The following PTPN21 variants were observed in gnomAD, a reference collection of about 807,000 sequenced individuals.
PTPN21 encodes tyrosine-protein phosphatase non-receptor type 21.
PTPN21 carries 77 observed loss-of-function variants against 131.8 expected under a neutral mutation model. The ratio of observed to expected loss-of-function variants is 0.58; its 90% confidence interval spans 0.49 to 0.71. The LOEUF is 0.71. PTPN21 is among the 30% of genes least tolerant of loss of function. The pLI, the probability that PTPN21 is intolerant of heterozygous loss-of-function variation, is 0.00. For synonymous variants in PTPN21, 715 were observed against 621.3 expected (o/e 1.15, Z -2.24); for missense variants, 1,552 against 1,527.1 (o/e 1.02, Z -0.27).
chr14:88,554,549 TTCCGGGGCCGCGGGCGCGC>T (rs1395535943), intron 1 of PTPN21, 83 bp downstream of exon 1: 1 of 151,630 alleles, frequency 6.6e-6, no homozygotes, highest in East Asian at 1.9e-4. Context: ...TTCTCCGGGA[TTCCGGGGCCGCGGGCGCGC>T]TCCGGGGTCC....
At position 88,480,032 on chromosome 14, in the gene PTPN21, G is replaced by T; in HGVS notation, c.1399C>A (p.Arg467=). 6.2e-7 allele frequency: 1 copy of T among 1,613,852 alleles called. No homozygotes were observed. The highest frequency in any genetic ancestry group is 1.1e-5 in the South Asian group (1 of 91,086). Residue 467 remains arginine (R), a synonymous_variant, in exon 13 of 19, where the codon CGG becomes AGG. Coordinates refer to ENST00000556564, the MANE Select transcript of PTPN21 (RefSeq NM_007039.4). The stretch of plus-strand genomic sequence containing the variant: ...AGGTTTCGCAGCGAGTGGCTCTGCC[G>T]TTCCGCATGCACCAGGCCCCTGTTG... ...QLNRGLVHAE[R]QSHSLRNLNI... is the part of the protein sequence containing the mutation.
intron 12 of PTPN21, among the ~76,000 whole-genome samples, chr14:88,482,592 A>G (rs752262738): frequency 3.3e-5 from 5 of 151,894 alleles, no homozygotes; most frequent in Non-Finnish European, 5.9e-5. Context: ...TAGCCTGGAC[A>G]ACAAAAGCGA....
At chr14:88,491,852 C>T (rs1354144232) in intron 10 of PTPN21, among the ~76,000 whole-genome samples, 1 of 152,082 alleles carries the variant, frequency 6.6e-6, no homozygotes, top group Admixed American at 6.5e-5. Context: ...TTCAGGTGTT[C>T]CTTATTTAGG....
chr14:88,474,909 T>C (rs977166083), intron 13 of PTPN21, among the ~76,000 whole-genome samples: 2 of 152,120 alleles, frequency 1.3e-5, no homozygotes, highest in African/African-American at 4.8e-5. Context: ...CTGGCCAATA[T>C]GGTGAAACCC....
In PTPN21 at chr14:88,550,469, C is replaced by T. The variant is rs375350727; in HGVS notation, c.-52G>A. 36 of 1,536,166 alleles carry T rather than the reference C, an allele frequency of 2.3e-5. No individual in the cohort carries two copies. The African/African-American group carries it at 4.8e-4, about 20-fold the overall frequency. On this transcript the variant is annotated 5_prime_UTR_variant, in exon 2 of 19. Coordinates refer to ENST00000556564, the MANE Select transcript of PTPN21 (RefSeq NM_007039.4). ...GCAAAGAGGGAAAAGCTACCCCCAC[C>T]AACCCAGCGCTGGTGACGCCAGGAG...
At chr14:88,501,032 G>T in intron 7 of PTPN21, 161 bp from the exon 8 acceptor site, 1 of 643,972 alleles carries the variant, frequency 1.6e-6, no homozygotes, top group Non-Finnish European at 2.7e-6. Context: ...GATCTTATAG[G>T]TAAGTATAAA....
intron 3 of PTPN21, among the ~76,000 whole-genome samples, chr14:88,510,189 TA>T (rs34967756): frequency 0.35 from 52,927 of 152,064 alleles, 9,817 homozygotes; most frequent in African/African-American, 0.48. Flanking sequence ...ATGTCTTATA[TA>T]AAAAATCACA....
intron 10 of PTPN21, chr14:88,492,925 G>A: frequency 2.8e-6 from 1 of 357,312 alleles, no homozygotes; most frequent in Non-Finnish European, 5.5e-6. Flanking sequence ...CCCTCATGGA[G>A]CTTCATCAAA....
chr14:88,477,865 A>C (rs1462623610), intron 13 of PTPN21, among the ~76,000 whole-genome samples: 2 of 152,226 alleles, frequency 1.3e-5, no homozygotes, highest in African/African-American at 4.8e-5. Flanking sequence ...GCTTAGTCCC[A>C]GGTTAAGGAC....
At chr14:88,542,572 G>C (rs915646413) in intron 2 of PTPN21, among the ~76,000 whole-genome samples, 2 of 152,154 alleles carry the variant, frequency 1.3e-5, no homozygotes, top group African/African-American at 4.8e-5. Context: ...CTAAGTCTAG[G>C]TTGAATAATA....
At chr14:88,531,727 C>T (rs1458127153) in intron 2 of PTPN21, among the ~76,000 whole-genome samples, 1 of 151,964 alleles carries the variant, frequency 6.6e-6, no homozygotes, top group Non-Finnish European at 1.5e-5. Flanking sequence ...GAAACAAGAA[C>T]CAACCAAACC....
Position 88,554,738 on chromosome 14 carries a change from G to GCCGCAC in PTPN21, c.-296_-291dup, listed in dbSNP as rs969833739. 6.7e-5 allele frequency: 10 copies of GCCGCAC among 148,792 alleles called. No homozygotes were observed. The highest frequency in any genetic ancestry group is 1.2e-4 in the African/African-American group (5 of 41,022). The allele number at this position is 148,792 out of a possible 1,614,324, so 9.2% of individuals were successfully genotyped here. The stretch of plus-strand genomic sequence containing the variant: ...GGGGCCCCGCCGCGCGGCCGCCGCA[G>GCCGCAC]CCGCACCCGCACGCCAGCCCGGGCC... On this transcript the variant is annotated 5_prime_UTR_variant, in exon 1 of 19. Transcript: ENST00000556564.
At chr14:88,487,019 T>C (rs1048395106) in intron 10 of PTPN21, among the ~76,000 whole-genome samples, 1 of 145,572 alleles carries the variant, frequency 6.9e-6, no homozygotes, top group Non-Finnish European at 1.5e-5. Context: ...TATTAGGGAG[T>C]GCTGACAAAC....
chr14:88,476,263 G>A (rs950035254), intron 13 of PTPN21, among the ~76,000 whole-genome samples: 2 of 152,158 alleles, frequency 1.3e-5, no homozygotes, highest in Non-Finnish European at 2.9e-5. Context: ...GTACAATAGG[G>A]AATTGGCCTC....
chr14:88,502,532 G>A (rs1176243694), intron 6 of PTPN21, among the ~76,000 whole-genome samples: 2 of 152,092 alleles, frequency 1.3e-5, no homozygotes, highest in Non-Finnish European at 2.9e-5. Context: ...GCAGGGCTGG[G>A]AATGCACTCT....
At position 88,491,993 on chromosome 14, in the gene PTPN21, T is replaced by C. The variant is rs1258433402; in HGVS notation, c.932+4420A>G. Among the ~76,000 whole-genome samples, 3 of 151,632 alleles carry C rather than the reference T, an allele frequency of 2.0e-5. No individual in the cohort carries two copies. The East Asian group carries it at 5.8e-4, about 29-fold the overall frequency. ...ATCAATCATTTGTTGCTTTTCCCTC[T>C]TCCCTCTTTTACTTATTACAAGTTG... On this transcript the variant is annotated intron_variant, in intron 10 of 18. Transcript: ENST00000556564.
chr14:88,502,182 T>C (rs897891655), intron 6 of PTPN21, among the ~76,000 whole-genome samples: 11 of 152,102 alleles, frequency 7.2e-5, no homozygotes, highest in Non-Finnish European at 2.9e-5. Context: ...TCCAGCCTCA[T>C]CTTCCGATGC....
intron 2 of PTPN21, among the ~76,000 whole-genome samples, chr14:88,549,684 C>T (rs946233929): frequency 1.3e-4 from 20 of 151,576 alleles, no homozygotes; most frequent in Admixed American, 1.3e-3. Context: ...CTGCAACCTC[C>T]ACCTCCTGGG....
In PTPN21 at chr14:88,483,448, G is replaced by A. The variant is rs113660730; in HGVS notation, c.1078+1628C>T. Among the ~76,000 whole-genome samples the A allele has an allele frequency of 4.0e-3, 608 of 152,036 alleles. 7 individuals are homozygous for A. The highest frequency in any genetic ancestry group is 0.013 in the African/African-American group (553 of 41,444). ...AGGAAATACAAGAACATGGTGAGGG[G>A]GATGCTCTCAGGCTCTACACCCAAA... On this transcript the variant is annotated intron_variant, in intron 12 of 18. Transcript: ENST00000556564.
Sources: gnomAD v4.1 joint callset for allele counts (sites outside exome capture counted in the v4.1 genomes callset) on GRCh38, gnomAD v4.1.1 for gene constraint, MANE v1.5 for transcripts, NCBI Gene and HGNC (gene_info 2026-07-23, HGNC 2026-07-21) for gene names.